OR2H2: variants seen among roughly 807,000 people sequenced by gnomAD.
OR2H2 encodes olfactory receptor family 2 subfamily H member 2, also known as olfactory receptor 2H2.
For missense variants in OR2H2, 295 were observed against 313.7 expected (o/e 0.94, Z 0.45); for synonymous variants, 146 against 132.4 (o/e 1.10, Z -0.71).
In OR2H2 at chr6:29,589,553, G is replaced by A. The variant is rs1337781444; in HGVS notation, c.*670G>A. On this transcript the variant is annotated 3_prime_UTR_variant, in exon 2 of 2. Coordinates refer to ENST00000641840, the MANE Select transcript of OR2H2 (RefSeq NM_007160.4). ...TCTTCTCTTACAATGCCCACAAATC[G>A]CAGGTAAAGGAGCAGCCAAAAAGAC... The A allele has an allele frequency of 3.9e-5, 6 of 152,148 alleles. No individual in the cohort carries two copies. Among genetic ancestry groups the A allele is most frequent in the African/African-American group, 1.2e-4 (5 of 41,398 alleles). 9.4% of individuals were successfully genotyped at this position (152,148 alleles called of 1,614,324 possible).
chr6:29,588,768 T>C lies in OR2H2; in HGVS notation c.824T>C (p.Phe275Ser). ...AQERGKFFGLFYAVGTPSLNP... is the reference protein window; with the variant it reads ...AQERGKFFGLSYAVGTPSLNP... ...GAGAGGGGCAAGTTCTTTGGTCTCT[T>C]CTATGCAGTGGGCACTCCTTCACTT... is the stretch of plus-strand genomic sequence containing the variant. The change falls in exon 2 of 2, where the codon TTC becomes TCC. Residue 275 changes from phenylalanine to serine, a missense_variant. By Grantham distance (155) the Phe-to-Ser change is radical. Coordinates refer to ENST00000641840, the MANE Select transcript of OR2H2 (RefSeq NM_007160.4). The C allele has an allele frequency of 1.0e-6, 1 of 991,830 alleles. No individual in the cohort carries two copies. The highest frequency in any genetic ancestry group is 2.4e-5 in the East Asian group (1 of 42,104). 61.4% of individuals were successfully genotyped at this position (991,830 alleles called of 1,614,324 possible).
chr6:29,588,894 C>T lies in OR2H2; in HGVS notation c.*11C>T. On this transcript the variant is annotated 3_prime_UTR_variant, in exon 2 of 2. Coordinates refer to ENST00000641840, the MANE Select transcript of OR2H2 (RefSeq NM_007160.4). ...CTCACACAAAGCTGAGGGAGAGCTGCTTAATGTGCTTTAAAAGAGAGGAGA... is the reference window on the plus strand; with the variant it reads ...CTCACACAAAGCTGAGGGAGAGCTGTTTAATGTGCTTTAAAAGAGAGGAGA... 4 of 782,260 alleles carry T rather than the reference C, an allele frequency of 5.1e-6. No individual in the cohort carries two copies. The highest frequency in any genetic ancestry group is 9.5e-6 in the Non-Finnish European group (4 of 421,424). The allele number at this position is 782,260 out of a possible 1,614,324, so 48.5% of individuals were successfully genotyped here.
intron 1 of OR2H2, 71 bp from the exon 2 acceptor site, chr6:29,587,599 T>C (rs999215308): frequency 3.5e-5 from 9 of 255,834 alleles, no homozygotes; most frequent in Admixed American, 9.7e-5. Flanking sequence ...TGGCACTCAA[T>C]AAATTTCCCC....
intron 1 of OR2H2, among the ~76,000 whole-genome samples, chr6:29,587,067 C>T (rs1760312028): frequency 1.3e-5 from 2 of 152,210 alleles, no homozygotes; most frequent in African/African-American, 4.8e-5. Flanking sequence ...TCTCATTCAC[C>T]CAGTACATTG....
Position 29,587,717 on chromosome 6 carries a change from C to G in OR2H2, c.-228C>G. The G allele has an allele frequency of 1.9e-6, 1 of 516,582 alleles. No individual in the cohort carries two copies. Among genetic ancestry groups the G allele is most frequent in the South Asian group, 3.4e-5 (1 of 29,308 alleles). 32.0% of individuals were successfully genotyped at this position (516,582 alleles called of 1,614,324 possible). A position where few individuals can be genotyped will look rare whatever the true frequency, so the allele number is the denominator to read the frequency against. Reference sequence around the variant, plus strand: ...GTATCCATCTGCTGTCCAGTACATTCATGGATTCCTCACTCTCACTAGACA... The same window carrying G: ...GTATCCATCTGCTGTCCAGTACATTGATGGATTCCTCACTCTCACTAGACA... On this transcript the variant is annotated 5_prime_UTR_variant, in exon 2 of 2. Coordinates refer to ENST00000641840, the MANE Select transcript of OR2H2 (RefSeq NM_007160.4).
rs1365965350 is a variant in OR2H2, at chr6:29,587,816, C to T, written c.-129C>T. 11 of 649,710 alleles carry T rather than the reference C, an allele frequency of 1.7e-5. No individual in the cohort carries two copies. The highest frequency in any genetic ancestry group is 2.6e-5 in the Admixed American group (1 of 38,376). The allele number at this position is 649,710 out of a possible 1,614,324, so 40.2% of individuals were successfully genotyped here. On this transcript the variant is annotated 5_prime_UTR_variant, in exon 2 of 2. Transcript: ENST00000641840. Reference sequence around the variant, plus strand: ...ATGAGCCTTGGAAAGGGAGGCTGGGCGAGCAGAGACAGAAGAGAAACACCT... The same window carrying T: ...ATGAGCCTTGGAAAGGGAGGCTGGGTGAGCAGAGACAGAAGAGAAACACCT...
Position 29,588,581 on chromosome 6 carries a change from C to T in OR2H2, c.637C>T (p.Leu213Phe). The T allele has an allele frequency of 9.5e-7, 1 of 1,054,912 alleles. No homozygotes were observed. The allele number at this position is 1,054,912 out of a possible 1,614,324, so 65.3% of individuals were successfully genotyped here. Residue 213 changes from leucine to phenylalanine, a missense_variant, in exon 2 of 2, where the codon CTT (leucine) becomes TTT (phenylalanine). Leu to Phe is a conservative substitution (Grantham distance 22, BLOSUM62 0). Coordinates refer to ENST00000641840, the MANE Select transcript of OR2H2 (RefSeq NM_007160.4). Reference protein sequence around the residue: ...FILVVPLSLILVSYGAITWAV... With the variant: ...FILVVPLSLIFVSYGAITWAV... ...CTTGGTTGTGCCTCTCAGCCTCATC[C>T]TTGTCTCTTACGGAGCCATTACCTG...
At chr6:29,585,915 A>G (rs998893428) in intron 1 of OR2H2, among the ~76,000 whole-genome samples, 10 of 152,240 alleles carry the variant, frequency 6.6e-5, no homozygotes, top group Admixed American at 4.6e-4. Context: ...AAAGTTAGAA[A>G]TGTAGAAAAT....
chr6:29,588,751 C>T lies in OR2H2; in HGVS notation c.807C>T (p.Gly269=). The part of the protein sequence containing the change: ...QPKNPYAQER[G]KFFGLFYAVG... ...AAAATCCCTATGCCCAAGAGAGGGG[C>T]AAGTTCTTTGGTCTCTTCTATGCAG... The change falls in exon 2 of 2, where the codon GGC becomes GGT. Residue 269 remains glycine, a synonymous_variant. Transcript: ENST00000641840. 7.9e-7 allele frequency: 1 copy of T among 1,259,474 alleles called. No individual in the cohort carries two copies. 78.0% of individuals were successfully genotyped at this position (1,259,474 alleles called of 1,614,324 possible). A position where few individuals can be genotyped will look rare whatever the true frequency, so the allele number is the denominator to read the frequency against.
intron 1 of OR2H2, among the ~76,000 whole-genome samples, chr6:29,585,913 A>G (rs1760217575): frequency 6.6e-6 from 1 of 152,256 alleles, no homozygotes; most frequent in African/African-American, 2.4e-5. Flanking sequence ...ACAAAGTTAG[A>G]AATGTAGAAA....
rs1189853446 is a variant in OR2H2, at chr6:29,588,833, A to G, written c.889A>G (p.Arg297Gly). 3 of 826,320 alleles carry G rather than the reference A, an allele frequency of 3.6e-6. No homozygotes were observed. The highest frequency in any genetic ancestry group is 6.5e-6 in the Non-Finnish European group (3 of 460,622). 51.2% of individuals were successfully genotyped at this position (826,320 alleles called of 1,614,324 possible). ...IYTLRNKEVT[R>G]AFRRLLGKEM... ...CACCCTGAGGAACAAGGAGGTAACCAGGGCATTCAGGAGATTGCTGGGGAA... is the reference window on the plus strand; with the variant it reads ...CACCCTGAGGAACAAGGAGGTAACCGGGGCATTCAGGAGATTGCTGGGGAA... The change falls in exon 2 of 2, where the codon AGG (arginine) becomes GGG (glycine). Residue 297 changes from arginine (R) to glycine (G), a missense_variant. Arg to Gly is a moderately radical substitution (Grantham distance 125, BLOSUM62 -2). Transcript: ENST00000641840.
In OR2H2 at chr6:29,587,736, C is replaced by T; in HGVS notation, c.-209C>T. 5 of 540,346 alleles carry T rather than the reference C, an allele frequency of 9.3e-6. No homozygotes were observed. Among genetic ancestry groups the T allele is most frequent in the Non-Finnish European group, 1.6e-5 (5 of 304,364 alleles). The allele number at this position is 540,346 out of a possible 1,614,324, so 33.5% of individuals were successfully genotyped here. A position where few individuals can be genotyped will look rare whatever the true frequency, so the allele number is the denominator to read the frequency against. ...TACATTCATGGATTCCTCACTCTCACTAGACAATGTTTGACCAGGAAGAAC... is the reference window on the plus strand; with the variant it reads ...TACATTCATGGATTCCTCACTCTCATTAGACAATGTTTGACCAGGAAGAAC... On this transcript the variant is annotated 5_prime_UTR_variant, in exon 2 of 2. Transcript: ENST00000641840.
rs1374807826 is a variant in OR2H2, at chr6:29,590,111, A to G, written c.*1228A>G. On this transcript the variant is annotated 3_prime_UTR_variant, in exon 2 of 2. Transcript: ENST00000641840. Reference sequence around the variant, plus strand: ...TTATTATAAAGTCAAAAAATGGTCAAAGTCAGGAACCCCCTGCAATTTACA... The same window carrying G: ...TTATTATAAAGTCAAAAAATGGTCAGAGTCAGGAACCCCCTGCAATTTACA... The G allele has an allele frequency of 1.3e-5, 2 of 152,212 alleles. No individual in the cohort carries two copies. Among genetic ancestry groups the G allele is most frequent in the African/African-American group, 4.8e-5 (2 of 41,442 alleles). The allele number at this position is 152,212 out of a possible 1,614,324, so 9.4% of individuals were successfully genotyped here. A position where few individuals can be genotyped will look rare whatever the true frequency, so the allele number is the denominator to read the frequency against.
In OR2H2 at chr6:29,588,275, A is replaced by C. The variant is rs1249227962; in HGVS notation, c.331A>C (p.Ile111Leu). 6.2e-7 allele frequency: 1 copy of C among 1,602,080 alleles called. No individual in the cohort carries two copies. ...IFLSLGTTEC[I>L]LLTVMAFDRY... ...CCTGTCCCTGGGGACAACTGAGTGC[A>C]TCCTCTTGACAGTGATGGCTTTTGA... The change falls in exon 2 of 2, where the codon ATC (isoleucine) becomes CTC (leucine). Residue 111 changes from isoleucine (I) to leucine (L), a missense_variant. Coordinates refer to ENST00000641840, the MANE Select transcript of OR2H2 (RefSeq NM_007160.4).
intron 1 of OR2H2, 36 bp from the exon 2 acceptor site, chr6:29,587,634 T>A: frequency 3.0e-6 from 1 of 335,346 alleles, no homozygotes; most frequent in Admixed American, 4.3e-5. Context: ...AATGAATTAG[T>A]GCATATTTTA....
Position 29,588,227 on chromosome 6 carries a change from T to G in OR2H2, c.283T>G (p.Cys95Gly). The G allele has an allele frequency of 6.5e-7, 1 of 1,543,144 alleles. No homozygotes were observed. Among genetic ancestry groups the G allele is most frequent in the Non-Finnish European group, 9.0e-7 (1 of 1,116,338 alleles). ...GPKKTISFLD[C>G]SVQIFIFLSL... is the part of the protein sequence containing the mutation. ...AAAGAAGACCATCAGCTTCCTGGAC[T>G]GCTCTGTCCAGATCTTCATCTTCCT... The change falls in exon 2 of 2, where the codon TGC (cysteine) becomes GGC (glycine). Residue 95 changes from cysteine (C) to glycine (G), a missense_variant. Physicochemically the swap from Cys to Gly is radical, Grantham distance 159 (BLOSUM62 -3). Transcript: ENST00000641840.
In OR2H2 at chr6:29,587,698, A is replaced by G. The variant is rs1760358633; in HGVS notation, c.-247A>G. ...GTCAGAGGCACCAGTGTGAGTATCC[A>G]TCTGCTGTCCAGTACATTCATGGAT... On this transcript the variant is annotated 5_prime_UTR_variant, in exon 2 of 2. Coordinates refer to ENST00000641840, the MANE Select transcript of OR2H2 (RefSeq NM_007160.4). The G allele has an allele frequency of 6.5e-6, 3 of 464,134 alleles. No individual in the cohort carries two copies. In the East Asian group the frequency reaches 9.9e-5, roughly 15 times the overall value. 28.8% of individuals were successfully genotyped at this position (464,134 alleles called of 1,614,324 possible).
At position 29,588,631 on chromosome 6, in the gene OR2H2, A is replaced by G. The variant is rs1760469423; in HGVS notation, c.687A>G (p.Ala229=). ...ITWAVLRINS[A]KGRRKAFGTC... ...GGGCAGTGCTGAGGATTAACTCTGC[A>G]AAAGGGCGGAGGAAAGCTTTTGGGA... Residue 229 remains alanine (A), a synonymous_variant, in exon 2 of 2, where the codon GCA becomes GCG. Coordinates refer to ENST00000641840, the MANE Select transcript of OR2H2 (RefSeq NM_007160.4). The G allele has an allele frequency of 7.2e-7, 1 of 1,393,186 alleles. No homozygotes were observed. Among genetic ancestry groups the G allele is most frequent in the Non-Finnish European group, 1.0e-6 (1 of 979,810 alleles). 86.3% of individuals were successfully genotyped at this position (1,393,186 alleles called of 1,614,324 possible).
chr6:29,589,137 CAT>C lies in OR2H2; in HGVS notation c.*256_*257del, dbSNP rs1018181852. ...TTTTTCTACTTTAAGTCTTCGCCTC[CAT>C]AGTCATGTTCCTACCTTTATCACTT... On this transcript the variant is annotated 3_prime_UTR_variant, in exon 2 of 2. Coordinates refer to ENST00000641840, the MANE Select transcript of OR2H2 (RefSeq NM_007160.4). The C allele has an allele frequency of 1.6e-4, 84 of 512,240 alleles. No individual in the cohort carries two copies. The Admixed American group carries it at 2.6e-3, about 16-fold the overall frequency. The allele number at this position is 512,240 out of a possible 1,614,324, so 31.7% of individuals were successfully genotyped here.
Sources: allele counts gnomAD v4.1 joint callset (sites outside exome capture counted in the v4.1 genomes callset), GRCh38; gene constraint gnomAD v4.1.1; transcripts MANE v1.5; gene names NCBI Gene and HGNC (gene_info 2026-07-23, HGNC 2026-07-21).